RAB37: variants seen among roughly 807,000 people sequenced by gnomAD.
RAB37 encodes RAB37, member RAS oncogene family, also known as ras-related protein Rab-37.
A neutral mutation model predicts 33.1 loss-of-function variants in RAB37; 29 were observed. The observed-to-expected ratio is 0.88, with a 90% confidence interval of 0.65 to 1.20. RAB37 has a LOEUF of 1.20. RAB37 is among the 50% of genes most tolerant of loss of function. The pLI is 0.00. For synonymous variants in RAB37, 128 were observed against 119.5 expected (o/e 1.07, Z -0.47); for missense variants, 299 against 301.1 (o/e 0.99, Z 0.05).
chr17:74,729,129 C>A lies in RAB37; in HGVS notation c.73-127C>A. 1 of 686,270 alleles carries A rather than the reference C, an allele frequency of 1.5e-6. No homozygotes were observed. The highest frequency in any genetic ancestry group is 1.6e-5 in the South Asian group (1 of 63,478). 42.5% of individuals were successfully genotyped at this position (686,270 alleles called of 1,614,324 possible). A position where few individuals can be genotyped will look rare whatever the true frequency, so the allele number is the denominator to read the frequency against. ...GTCAGTGTCTTGTGTGTGTGTGTTT[C>A]TGTGTGTGTGTGTGCATGTTGTGCA... On this transcript the variant is annotated intron_variant, in intron 1 of 7. Coordinates refer to the RAB37 transcript ENST00000340415. The surrounding 1 kb of genome is among the most constrained non-coding windows in gnomAD (Gnocchi z 4.2).
chr17:74,735,018 G>GAAGGAAGAAAGAAAGAAAGAAAGA (rs1207905817), upstream of RAB37, among the ~76,000 whole-genome samples: 93 of 82,304 alleles, frequency 1.1e-3, 2 homozygotes, highest in African/African-American at 6.5e-3. Context: ...AGGAAGGAAG[G>GAAGGAAGAAAGAAAGAAAGAAAGA]AAGAAAGAAA....
At chr17:74,735,694 T>A (rs1008347404), upstream of RAB37, among the ~76,000 whole-genome samples, 2 of 152,140 alleles carry the variant, frequency 1.3e-5, no homozygotes, top group African/African-American at 4.8e-5. Flanking sequence ...CCAGCTGAGG[T>A]TATAGCACGC....
In RAB37 at chr17:74,740,860, C is replaced by T. The variant is rs146770958; in HGVS notation, c.186C>T (p.Thr62=). Residue 62 remains threonine, a synonymous_variant, in exon 2 of 9, where the codon ACC becomes ACT. Transcript: ENST00000392613. ...TCCTGTCCGGAACCTTCATAGCCAC[C>T]GTCGGCATAGACTTCAGGGTGAGGT... is the stretch of plus-strand genomic sequence containing the variant. The part of the protein sequence containing the change: ...GAFLSGTFIA[T]VGIDFRNKVV... 422 of 1,613,086 alleles carry T rather than the reference C, an allele frequency of 2.6e-4. No individual in the cohort carries two copies. Among genetic ancestry groups the T allele is most frequent in the Non-Finnish European group, 3.2e-4 (377 of 1,179,226 alleles).
intron 1 of RAB37, chr17:74,672,826 G>T (rs1471470553): frequency 6.6e-6 from 1 of 152,186 alleles, no homozygotes; most frequent in East Asian, 1.9e-4. Flanking sequence ...ATTTTAACAA[G>T]ATCTCTAGGA....
At chr17:74,704,884 G>A (rs1223716654) in intron 1 of RAB37, 1 of 1,244,416 alleles carries the variant, frequency 8.0e-7, no homozygotes, top group Non-Finnish European at 1.1e-6. Context: ...TTCTGTTTAG[G>A]GAATAGCTCC....
intron 1 of RAB37, among the ~76,000 whole-genome samples, chr17:74,718,519 C>G (rs953897064): frequency 2.6e-5 from 4 of 152,078 alleles, no homozygotes; most frequent in African/African-American, 9.7e-5. Flanking sequence ...CTCCCCCTGC[C>G]TAGAAAATTT....
chr17:74,718,799 A>T (rs1373512659), intron 1 of RAB37, among the ~76,000 whole-genome samples: 3 of 152,236 alleles, frequency 2.0e-5, no homozygotes, highest in African/African-American at 7.2e-5. Flanking sequence ...CTGCTGTTAA[A>T]TATATGTGTG....
At position 74,685,522 on chromosome 17, in the gene RAB37, G is replaced by C. The variant is rs1307828366; in HGVS notation, c.72+13864G>C. Among the ~76,000 whole-genome samples the C allele has an allele frequency of 2.6e-5, 4 of 152,210 alleles. No homozygotes were observed. In the South Asian group the frequency reaches 8.3e-4, roughly 32 times the overall value. On this transcript the variant is annotated intron_variant, in intron 1 of 7. Transcript: ENST00000340415. ...TTACTTTGAAATCACAGCCTGATGG[G>C]TCTGCGGCACTTTTAGTTACACTCC...
chr17:74,699,260 G>A (rs1472962519), intron 1 of RAB37, among the ~76,000 whole-genome samples: 2 of 152,144 alleles, frequency 1.3e-5, no homozygotes, highest in Non-Finnish European at 2.9e-5. Context: ...GTTCCATGAG[G>A]TGGTTTTAAT....
At chr17:74,698,386 A>G (rs199831669) in intron 1 of RAB37, 1 of 1,613,202 alleles carries the variant, frequency 6.2e-7, no homozygotes, top group African/African-American at 1.3e-5. Flanking sequence ...CTGGTACTTC[A>G]TCATCCTCCA....
chr17:74,712,571 T>C (rs2034045687), intron 1 of RAB37, among the ~76,000 whole-genome samples: 1 of 152,244 alleles, frequency 6.6e-6, no homozygotes, highest in Admixed American at 6.5e-5. Flanking sequence ...CGGCGGGGCC[T>C]ACAGTCTGTC....
intron 1 of RAB37, among the ~76,000 whole-genome samples, chr17:74,675,856 G>T (rs2031819255): frequency 6.6e-6 from 1 of 152,172 alleles, no homozygotes; most frequent in South Asian, 2.1e-4. Flanking sequence ...ATTCCCGTAG[G>T]GTGGGCTGGA....
In RAB37 at chr17:74,744,922, T is replaced by C. The variant is rs1427279841; in HGVS notation, c.482T>C (p.Leu161Ser). 1 of 1,614,154 alleles carries C rather than the reference T, an allele frequency of 6.2e-7. No individual in the cohort carries two copies. Among genetic ancestry groups the C allele is most frequent in the African/African-American group, 1.3e-5 (1 of 74,962 alleles). The change falls in exon 7 of 9, where the codon TTG becomes TCG. Residue 161 changes from leucine (L) to serine (S), a missense_variant. Transcript: ENST00000392613. This position sits in a 1 kb window ranked among gnomAD's most constrained non-coding sequence, Gnocchi z 4.2. ...ATCCGTTCCGAAGACGGAGAGACCT[T>C]GGCCAGGGTAAGTGATTGTCTGTGG... ...RVIRSEDGET[L>S]AREYGVPFLE...
chr17:74,711,088 G>T (rs1360761433), intron 1 of RAB37, among the ~76,000 whole-genome samples: 1 of 152,068 alleles, frequency 6.6e-6, no homozygotes, highest in Non-Finnish European at 1.5e-5. Context: ...CTTCCGGATG[G>T]GTATTTTTTT....
rs1288222918 is a variant in RAB37 at position 74,704,051 on chromosome 17, A to G, written c.73-25205A>G. Among the ~76,000 whole-genome samples the G allele has an allele frequency of 1.5e-4, 23 of 152,286 alleles. 1 individual carries two copies. The East Asian group carries it at 4.4e-3, about 29-fold the overall frequency. On this transcript the variant is annotated intron_variant, in intron 1 of 7. Coordinates refer to the RAB37 transcript ENST00000340415. ...CTTTTTCCCCCAGGTTAGATATGGA[A>G]TGGGAGATGGGAACAGCAGCTATGA...
intron 1 of RAB37, among the ~76,000 whole-genome samples, chr17:74,693,200 CCA>C (rs1414479686): frequency 6.6e-6 from 1 of 152,214 alleles, no homozygotes; most frequent in African/African-American, 2.4e-5. Context: ...TAACTATTCA[CCA>C]GTCTGCGGGA....
intron 1 of RAB37, among the ~76,000 whole-genome samples, chr17:74,693,783 G>T (rs1331612548): frequency 6.6e-6 from 1 of 152,028 alleles, no homozygotes; most frequent in African/African-American, 2.4e-5. Context: ...ATGAAAATTA[G>T]CCAGGCATGG....
At chr17:74,715,863 A>G (rs2034158610) in intron 1 of RAB37, among the ~76,000 whole-genome samples, 1 of 152,100 alleles carries the variant, frequency 6.6e-6, no homozygotes, top group South Asian at 2.1e-4. Flanking sequence ...CCCCATCTCT[A>G]CTAAAAAATA....
intron 1 of RAB37, among the ~76,000 whole-genome samples, chr17:74,702,545 T>C (rs1271309028): frequency 6.6e-6 from 1 of 152,098 alleles, no homozygotes; most frequent in African/African-American, 2.4e-5. Flanking sequence ...CTTGCCATAA[T>C]AGTAATCAGA....
Sources: gnomAD v4.1 joint callset for allele counts (sites outside exome capture counted in the v4.1 genomes callset) on GRCh38, gnomAD v4.1.1 for gene constraint, Gnocchi (gnomAD v3.1) non-coding constraint, MANE v1.5 for transcripts, NCBI Gene and HGNC (gene_info 2026-07-23, HGNC 2026-07-21) for gene names.